Variants in DYNLL1 observed in about 807,000 individuals in gnomAD.
DYNLL1 encodes dynein light chain 1, cytoplasmic.
A neutral mutation model predicts 10.1 loss-of-function variants in DYNLL1; 3 were observed. The ratio of observed to expected loss-of-function variants is 0.30; its 90% CI spans 0.14 to 0.77. The LOEUF (loss-of-function observed/expected upper bound fraction) is 0.77. Among genes scored for constraint, DYNLL1 ranks in the 30% least tolerant of loss-of-function variants. DYNLL1 has a pLI of 0.66. For missense variants in DYNLL1, 47 were observed against 111.7 expected, an observed-to-expected ratio of 0.42 and a Z score of 2.61; for synonymous variants, 46 against 41.2, an observed-to-expected ratio of 1.12 and a Z score of -0.45.
intron 1 of DYNLL1, among the ~76,000 whole-genome samples, chr12:120,472,562 A>G (rs1049864969): frequency 6.6e-6 from 1 of 152,132 alleles, no homozygotes; most frequent in African/African-American, 2.4e-5. Context: ...TACCACTCCT[A>G]TGTGATTGTT....
upstream of DYNLL1, chr12:120,496,063 G>T: frequency 2.6e-6 from 1 of 387,346 alleles, no homozygotes; most frequent in Non-Finnish European, 4.8e-6. Flanking sequence ...GCCGGCGGGA[G>T]CAGGGCGGGG....
rs779642950 is a variant in DYNLL1, at chr12:120,498,075, A to G, written c.135A>G (p.Glu45=). The G allele has an allele frequency of 6.2e-7, 1 of 1,612,556 alleles. No homozygotes were observed. The highest frequency in any genetic ancestry group is 2.2e-5 in the East Asian group (1 of 44,866). ...TTCTTTTCTTTTGTCTTTTCCAGGA[A>G]TTTGACAAGAAGTACAATCCCACCT... ...EKDIAAHIKK[E]FDKKYNPTWH... Residue 45 remains glutamate (E), a splice_region_variant and synonymous_variant, in exon 3 of 3, where the codon GAA becomes GAG. Transcript: ENST00000242577.
At chr12:120,492,690 AC>A (rs1555221717), upstream of DYNLL1, among the ~76,000 whole-genome samples, 1 of 152,156 alleles carries the variant, frequency 6.6e-6, no homozygotes, top group African/African-American at 2.4e-5. This position sits in a 1 kb window ranked among gnomAD's most constrained non-coding sequence, Gnocchi z 4.1. Flanking sequence ...AGAAACATTA[AC>A]CCCTAGTTAT....
chr12:120,485,490 G>A (rs922067944), intron 1 of DYNLL1, among the ~76,000 whole-genome samples: 2 of 151,800 alleles, frequency 1.3e-5, no homozygotes, highest in African/African-American at 4.8e-5. Flanking sequence ...TCCCGACCTC[G>A]TGATCCACCT....
rs11355698 is a variant in DYNLL1 at position 120,474,442 on chromosome 12, TAA to T, written c.-7+4352_-7+4353del. The stretch of plus-strand genomic sequence containing the variant: ...CAGTGCCCAACTGAAAAAAACAACA[TAA>T]AAAAAAAAAAAAATCCCAAAACCAA... On this transcript the variant is annotated intron_variant, in intron 1 of 2. Transcript: ENST00000392509. Among the ~76,000 whole-genome samples, 885 of 142,700 alleles carry T rather than the reference TAA, an allele frequency of 6.2e-3. 6 individuals are homozygous for T. Among genetic ancestry groups the T allele is most frequent in the African/African-American group, 0.011 (451 of 39,222 alleles). The allele number at this position is 142,700 out of a possible 152,430, so 93.6% of individuals were successfully genotyped here. A position where few individuals can be genotyped will look rare whatever the true frequency, so the allele number is the denominator to read the frequency against.
At position 120,477,973 on chromosome 12, in the gene DYNLL1, G is replaced by T. The variant is rs1262040703; in HGVS notation, c.-7+7869G>T. On this transcript the variant is annotated intron_variant, in intron 1 of 2. Coordinates refer to the DYNLL1 transcript ENST00000392509. The stretch of plus-strand genomic sequence containing the variant: ...TGGCTAATTTTTTTTTGTATTTTTA[G>T]TAGGGACAGGGTTAAGCCATGTTGG... 2.0e-5 allele frequency among the ~76,000 whole-genome samples: 3 copies of T among 151,340 alleles called. No homozygotes were observed. In the East Asian group the frequency reaches 5.9e-4, roughly 30 times the overall value.
chr12:120,484,160 A>C (rs1482863405), intron 1 of DYNLL1, among the ~76,000 whole-genome samples: 2 of 152,254 alleles, frequency 1.3e-5, no homozygotes, highest in East Asian at 3.9e-4. Flanking sequence ...AGAATATGAC[A>C]GCATGTTTGC....
chr12:120,492,785 A>G (rs780977418), upstream of DYNLL1, among the ~76,000 whole-genome samples: 2 of 152,206 alleles, frequency 1.3e-5, no homozygotes, highest in Non-Finnish European at 2.9e-5. This position sits in a 1 kb window ranked among gnomAD's most constrained non-coding sequence, Gnocchi z 4.1. Flanking sequence ...GAGTAGATAT[A>G]GTAAGTTGCC....
chr12:120,497,949 C>A, intron 2 of DYNLL1, 124 bp from the exon 3 acceptor site: 3 of 941,074 alleles, frequency 3.2e-6, no homozygotes, highest in Non-Finnish European at 3.1e-6. Flanking sequence ...AACATTCTTT[C>A]ATTCTAAGAA....
chr12:120,496,910 GGGA>G (rs1868444436), intron 2 of DYNLL1: 2 of 456,542 alleles, frequency 4.4e-6, no homozygotes, highest in Non-Finnish European at 7.7e-6. Context: ...CAGCCGGGCC[GGGA>G]GGAGATCTTG....
At chr12:120,477,354 A>G (rs1878777476) in intron 1 of DYNLL1, among the ~76,000 whole-genome samples, 1 of 152,166 alleles carries the variant, frequency 6.6e-6, no homozygotes, top group African/African-American at 2.4e-5. Flanking sequence ...TTGTTCATGT[A>G]TTCAACCCAC....
At chr12:120,487,637 G>T (rs188642934) in intron 1 of DYNLL1, among the ~76,000 whole-genome samples, 4 of 152,108 alleles carry the variant, frequency 2.6e-5, no homozygotes, top group Admixed American at 2.6e-4. Flanking sequence ...TTCACAAAAG[G>T]GGGTGGGCTA....
intron 1 of DYNLL1, among the ~76,000 whole-genome samples, chr12:120,473,446 C>G (rs2137056184): frequency 6.6e-6 from 1 of 151,956 alleles, no homozygotes; most frequent in South Asian, 2.1e-4. Flanking sequence ...GTAATCCCAG[C>G]ACTTTGGGGA....
chr12:120,488,980 C>G (rs935523423), intron 1 of DYNLL1, among the ~76,000 whole-genome samples: 1 of 152,152 alleles, frequency 6.6e-6, no homozygotes, highest in Admixed American at 6.5e-5. Context: ...CAAGGCTCAT[C>G]CTCTACATGG....
intron 1 of DYNLL1, among the ~76,000 whole-genome samples, chr12:120,486,398 CGAGA>C (rs1160134048): frequency 2.0e-5 from 3 of 152,040 alleles, no homozygotes; most frequent in Admixed American, 6.6e-5. Context: ...CTGCTCTTAC[CGAGA>C]GAGAAAAACA....
intron 1 of DYNLL1, among the ~76,000 whole-genome samples, chr12:120,471,056 G>T (rs931233962): frequency 2.0e-5 from 3 of 149,320 alleles, no homozygotes; most frequent in African/African-American, 7.4e-5. Context: ...AATAAATAAA[G>T]ATTTTTCATA....
chr12:120,486,830 A>G lies in DYNLL1; in HGVS notation c.-6-9586A>G, dbSNP rs1309833830. ...GCCTGAAGCAAAGAGGCAACAATCAATAACCTCCTCACTGGTGTCCTGGCT... is the reference window on the plus strand; with the variant it reads ...GCCTGAAGCAAAGAGGCAACAATCAGTAACCTCCTCACTGGTGTCCTGGCT... On this transcript the variant is annotated intron_variant, in intron 1 of 2. Transcript: ENST00000392509. Among the ~76,000 whole-genome samples, 4 of 152,078 alleles carry G rather than the reference A, an allele frequency of 2.6e-5. No individual in the cohort carries two copies. The East Asian group carries it at 5.8e-4, about 22-fold the overall frequency.
intron 1 of DYNLL1, among the ~76,000 whole-genome samples, chr12:120,483,035 C>T (rs1401543636): frequency 6.6e-6 from 1 of 151,864 alleles, no homozygotes; most frequent in Admixed American, 6.6e-5. Flanking sequence ...AGAGCAAGAC[C>T]TCATCTCTTA....
At chr12:120,484,760 A>T (rs1878955719) in intron 1 of DYNLL1, among the ~76,000 whole-genome samples, 1 of 145,394 alleles carries the variant, frequency 6.9e-6, no homozygotes, top group Non-Finnish European at 1.5e-5. Context: ...TTTTTTTGAG[A>T]CGGAGTCTCA....
Sources: allele counts gnomAD v4.1 joint callset (sites outside exome capture counted in the v4.1 genomes callset), GRCh38; gene constraint gnomAD v4.1.1; non-coding constraint Gnocchi (gnomAD v3.1); transcripts MANE v1.5; gene names NCBI Gene and HGNC (gene_info 2026-07-23, HGNC 2026-07-21).